The following GTF2F2 variants were observed in gnomAD, a reference collection of about 807,000 sequenced individuals.
GTF2F2 encodes ATP-dependent helicase GTF2F2.
A neutral mutation model predicts 42.2 loss-of-function variants in GTF2F2; 23 were observed. The observed-to-expected ratio is 0.55, with a 90% confidence interval of 0.39 to 0.77. The LOEUF is 0.77. GTF2F2 is among the 30% of genes least tolerant of loss of function. GTF2F2 has a pLI of 0.00. For missense variants in GTF2F2, 261 were observed against 287.2 expected (o/e 0.91, Z 0.66); for synonymous variants, 105 against 100.8 (o/e 1.04, Z -0.25).
At chr13:45,167,092 CTTT>C (rs11332719) in intron 4 of GTF2F2, among the ~76,000 whole-genome samples, 1 of 134,164 alleles carries the variant, frequency 7.5e-6, no homozygotes. Context: ...CAGTTGAAGT[CTTT>C]TTTTTTTTTT....
At chr13:45,173,242 C>T (rs900065166) in intron 4 of GTF2F2, among the ~76,000 whole-genome samples, 6 of 151,526 alleles carry the variant, frequency 4.0e-5, no homozygotes, top group Non-Finnish European at 5.9e-5. Flanking sequence ...TTGGATGTAC[C>T]CTTTACTCAG....
intron 4 of GTF2F2, among the ~76,000 whole-genome samples, chr13:45,204,400 G>A (rs1359088782): frequency 6.6e-6 from 1 of 152,186 alleles, no homozygotes; most frequent in East Asian, 1.9e-4. Flanking sequence ...AGAAATGTGT[G>A]AGAATAAAAT....
chr13:45,121,089 T>C, intron 1 of GTF2F2, among the ~76,000 whole-genome samples: 1 of 152,204 alleles, frequency 6.6e-6, no homozygotes, highest in East Asian at 1.9e-4. Flanking sequence ...CGTGAGGTAG[T>C]TGAATGTCTA....
At position 45,207,419 on chromosome 13, in the gene GTF2F2, T is replaced by C; in HGVS notation, c.305-5T>C. On this transcript the variant is annotated splice_polypyrimidine_tract_variant and splice_region_variant and intron_variant, in intron 4 of 7. Transcript: ENST00000340473. ...TCTCTGAATCCTTTTTTTTTTCCATTCAAGATAAGCTGTCATTGGAAGGAA... is the reference window on the plus strand; with the variant it reads ...TCTCTGAATCCTTTTTTTTTTCCATCCAAGATAAGCTGTCATTGGAAGGAA... 1 of 1,582,828 alleles carries C rather than the reference T, an allele frequency of 6.3e-7. No individual in the cohort carries two copies. The highest frequency in any genetic ancestry group is 2.2e-5 in the East Asian group (1 of 44,716).
chr13:45,170,732 G>A lies in GTF2F2; in HGVS notation c.304+18901G>A, dbSNP rs140994131. Among the ~76,000 whole-genome samples, 25 of 152,320 alleles carry A rather than the reference G, an allele frequency of 1.6e-4. No individual in the cohort carries two copies. The East Asian group carries it at 4.4e-3, about 27-fold the overall frequency. On this transcript the variant is annotated intron_variant, in intron 4 of 7. Coordinates refer to ENST00000340473, the MANE Select transcript of GTF2F2 (RefSeq NM_004128.3). ...GCAGTCAGAGAAAGGATCAGAGGTG[G>A]TATCTGAGAGAACCATCATGAGATC... is the stretch of plus-strand genomic sequence containing the variant.
intron 4 of GTF2F2, among the ~76,000 whole-genome samples, chr13:45,185,752 A>G (rs1872389533): frequency 6.6e-6 from 1 of 152,224 alleles, no homozygotes; most frequent in African/African-American, 2.4e-5. Flanking sequence ...AAGAAAATGC[A>G]CTAAATCATT....
At chr13:45,212,004 G>A (rs935919894) in intron 5 of GTF2F2, among the ~76,000 whole-genome samples, 2 of 151,838 alleles carry the variant, frequency 1.3e-5, no homozygotes, top group Non-Finnish European at 2.9e-5. Flanking sequence ...ATATGCGCAC[G>A]CACACACACA....
chr13:45,121,497 G>A (rs1193627932), intron 1 of GTF2F2, among the ~76,000 whole-genome samples: 2 of 152,232 alleles, frequency 1.3e-5, no homozygotes, highest in Non-Finnish European at 2.9e-5. Flanking sequence ...ACATGGCTGA[G>A]TTCTCGTCAA....
intron 4 of GTF2F2, among the ~76,000 whole-genome samples, chr13:45,196,697 A>G (rs1304476810): frequency 6.6e-6 from 1 of 152,224 alleles, no homozygotes. Context: ...TCTTGTTTAA[A>G]TAAAGTGATG....
At chr13:45,231,084 C>CTATT (rs1187637075) in intron 5 of GTF2F2, among the ~76,000 whole-genome samples, 10 of 151,260 alleles carry the variant, frequency 6.6e-5, no homozygotes, top group African/African-American at 2.2e-4. Context: ...TCTTATTCTT[C>CTATT]TATTTATTTA....
chr13:45,281,281 C>T (rs1877249310), intron 7 of GTF2F2, among the ~76,000 whole-genome samples: 1 of 152,108 alleles, frequency 6.6e-6, no homozygotes, highest in African/African-American at 2.4e-5. Context: ...GAAGGCTGCC[C>T]ACGAGAGAGC....
At chr13:45,175,562 G>A (rs545751948) in intron 4 of GTF2F2, among the ~76,000 whole-genome samples, 1 of 152,118 alleles carries the variant, frequency 6.6e-6, no homozygotes, top group Non-Finnish European at 1.5e-5. Context: ...AACAGCATCA[G>A]TATCTGTATC....
intron 2 of GTF2F2, among the ~76,000 whole-genome samples, chr13:45,148,085 G>A (rs1425185959): frequency 6.6e-6 from 1 of 152,172 alleles, no homozygotes; most frequent in African/African-American, 2.4e-5. Flanking sequence ...ATGCATAGTG[G>A]ACATATAGTA....
At chr13:45,122,823 A>G (rs1868727210) in intron 1 of GTF2F2, among the ~76,000 whole-genome samples, 1 of 152,156 alleles carries the variant, frequency 6.6e-6, no homozygotes, top group Admixed American at 6.5e-5. Flanking sequence ...TTCCTAGGAT[A>G]TCTCACGGTT....
In GTF2F2 at chr13:45,185,978, GT is replaced by G. The variant is rs796784449; in HGVS notation, c.305-21435del. Among the ~76,000 whole-genome samples, 209 of 147,842 alleles carry G rather than the reference GT, an allele frequency of 1.4e-3. 1 individual carries two copies. In the East Asian group the frequency reaches 0.02, roughly 14 times the overall value. On this transcript the variant is annotated intron_variant, in intron 4 of 7. Transcript: ENST00000340473. ...TATCTTCATTCATATTTTTAACATG[GT>G]TTTTTTTTTTCTTGAGGCAGAATCT...
intron 3 of GTF2F2, 58 bp from the exon 4 acceptor site, chr13:45,151,629 T>C (rs1341071891): frequency 2.8e-6 from 3 of 1,087,504 alleles, no homozygotes; most frequent in Non-Finnish European, 4.0e-6. Flanking sequence ...CAAAAATTTA[T>C]ATATATATAG....
At chr13:45,206,080 A>G (rs988845523) in intron 4 of GTF2F2, among the ~76,000 whole-genome samples, 1 of 152,224 alleles carries the variant, frequency 6.6e-6, no homozygotes, top group Non-Finnish European at 1.5e-5. Flanking sequence ...TAAAATAATA[A>G]CGGCTTTTAA....
intron 5 of GTF2F2, chr13:45,219,354 T>C (rs1195885590): frequency 1.3e-5 from 2 of 152,196 alleles, no homozygotes; most frequent in Non-Finnish European, 2.9e-5. Flanking sequence ...GCCTGGCTTA[T>C]TCGTAGGAAA....
Position 45,252,857 on chromosome 13 carries a change from A to AT in GTF2F2, c.387-13dup. 8.8e-7 allele frequency: 1 copy of AT among 1,142,308 alleles called. No homozygotes were observed. Among genetic ancestry groups the AT allele is most frequent in the Non-Finnish European group, 1.2e-6 (1 of 803,076 alleles). The allele number at this position is 1,142,308 out of a possible 1,614,324, so 70.8% of individuals were successfully genotyped here. Reference sequence around the variant, plus strand: ...TAAACAAGAGTGTTAATAATGCCTTATATTTTTTTTCAGATTGCAAATAGA... The same window carrying AT: ...TAAACAAGAGTGTTAATAATGCCTTATTATTTTTTTTCAGATTGCAAATAGA... On this transcript the variant is annotated splice_polypyrimidine_tract_variant and intron_variant, in intron 5 of 7. Coordinates refer to ENST00000340473, the MANE Select transcript of GTF2F2 (RefSeq NM_004128.3).
Sources: gnomAD v4.1 joint callset for allele counts (sites outside exome capture counted in the v4.1 genomes callset) on GRCh38, gnomAD v4.1.1 for gene constraint, MANE v1.5 for transcripts, NCBI Gene and HGNC (gene_info 2026-07-23, HGNC 2026-07-21) for gene names.